LRRC74A: variants seen among roughly 807,000 people sequenced by gnomAD.
LRRC74A encodes the protein leucine rich repeat containing 74A, also known as leucine-rich repeat-containing protein 74A.
In LRRC74A, 44 loss-of-function variants were observed where a neutral mutation model predicts 57.9. That is an observed-to-expected ratio of 0.76 (90% confidence interval 0.60 to 0.98). The LOEUF (loss-of-function observed/expected upper bound fraction) is 0.98. Among genes scored for constraint, LRRC74A ranks in the 50% least tolerant of loss-of-function variants. LRRC74A has a pLI of 0.00. For synonymous variants in LRRC74A, 211 were observed against 219.4 expected (o/e 0.96, Z 0.34); for missense variants, 572 against 574.0 (o/e 1.00, Z 0.04).
intron 4 of LRRC74A, 75 bp downstream of exon 4, chr14:76,836,389 C>A: frequency 9.1e-7 from 1 of 1,104,204 alleles, no homozygotes; most frequent in South Asian, 1.5e-5. Flanking sequence ...AGCCAGAGGC[C>A]CTGCCAGGAC....
At chr14:76,826,997 A>C (rs76575618) in intron 1 of LRRC74A, among the ~76,000 whole-genome samples, 2,186 of 152,342 alleles carry the variant, frequency 0.014, 32 homozygotes, top group Non-Finnish European at 0.023. Context: ...TTATAGTTTG[A>C]AATCAGTCAC....
intron 5 of LRRC74A, among the ~76,000 whole-genome samples, chr14:76,839,492 T>C (rs1194509003): frequency 6.6e-6 from 1 of 152,242 alleles, no homozygotes; most frequent in Non-Finnish European, 1.5e-5. Flanking sequence ...TTATATTACC[T>C]CAGATGGTTA....
intron 9 of LRRC74A, 64 bp downstream of exon 9, chr14:76,853,474 T>TGTGTGTGTGTGTGTATG (rs1595381672): frequency 7.1e-7 from 1 of 1,402,160 alleles, no homozygotes; most frequent in South Asian, 1.3e-5. Flanking sequence ...TGTGTATGTG[T>TGTGTGTGTGTGTGTATG]TGGGATAAGT....
chr14:76,859,191 A>G (rs766997243), intron 10 of LRRC74A, among the ~76,000 whole-genome samples: 1 of 152,114 alleles, frequency 6.6e-6, no homozygotes, highest in Non-Finnish European at 1.5e-5. Flanking sequence ...CAGGCAGTAC[A>G]CGTTGGAAGG....
At chr14:76,830,724 G>A (rs1370238133) in intron 2 of LRRC74A, among the ~76,000 whole-genome samples, 2 of 152,228 alleles carry the variant, frequency 1.3e-5, no homozygotes. Flanking sequence ...GCCTCTCTAA[G>A]TCTTTGGTGA....
intron 3 of LRRC74A, among the ~76,000 whole-genome samples, chr14:76,834,978 A>AGG (rs1045880880): frequency 2.6e-5 from 4 of 152,038 alleles, no homozygotes; most frequent in African/African-American, 9.7e-5. Flanking sequence ...TTCAGGGGAG[A>AGG]GGGTGGCGGA....
rs761003719 is a variant in LRRC74A at position 76,844,890 on chromosome 14, GCC to G, written c.666_667del (p.Gln223AspfsTer17). 1 of 1,569,312 alleles carries G rather than the reference GCC, an allele frequency of 6.4e-7. No homozygotes were observed. The highest frequency in any genetic ancestry group is 1.1e-5 in the South Asian group (1 of 90,022). On this transcript the variant is annotated frameshift_variant, in exon 7 of 14. Coordinates refer to ENST00000689127, the MANE Select transcript of LRRC74A (RefSeq NM_001385106.1). LOFTEE classifies it high-confidence loss of function. ...TCTGATGTAGGAGGGGAGCACCTGG[GCC>G]AGATGCTGGGTGAGTCTCCCTGGAG...
At chr14:76,836,828 G>A (rs1396088542) in intron 4 of LRRC74A, among the ~76,000 whole-genome samples, 6 of 147,872 alleles carry the variant, frequency 4.1e-5, no homozygotes, top group Non-Finnish European at 7.4e-5. Context: ...CTTCTGTCTG[G>A]ACCTTAGAAG....
At chr14:76,865,879 TG>T in intron 11 of LRRC74A, 88 bp from the exon 12 acceptor site, 2 of 1,029,276 alleles carry the variant, frequency 1.9e-6, no homozygotes, top group Non-Finnish European at 2.9e-6. Context: ...CCTGGAAGCA[TG>T]GGCCGCTCTT....
intron 5 of LRRC74A, among the ~76,000 whole-genome samples, chr14:76,842,972 G>A (rs1219206009): frequency 6.6e-6 from 1 of 152,134 alleles, no homozygotes; most frequent in Non-Finnish European, 1.5e-5. Flanking sequence ...AGGTGAATAA[G>A]GTCTAGTCAT....
chr14:76,848,487 T>C (rs1770558534), intron 7 of LRRC74A, among the ~76,000 whole-genome samples: 1 of 151,556 alleles, frequency 6.6e-6, no homozygotes, highest in Non-Finnish European at 1.5e-5. Context: ...GAGAACTGCT[T>C]GAGCCCAGGA....
At chr14:76,835,121 A>G (rs967162505) in intron 3 of LRRC74A, among the ~76,000 whole-genome samples, 1 of 152,202 alleles carries the variant, frequency 6.6e-6, no homozygotes, top group Non-Finnish European at 1.5e-5. Flanking sequence ...AGGGAAGATC[A>G]AAGTTCTGAT....
At chr14:76,864,379 C>T (rs529555323) in intron 11 of LRRC74A, among the ~76,000 whole-genome samples, 6 of 109,750 alleles carry the variant, frequency 5.5e-5, no homozygotes, top group Admixed American at 1.3e-4. Context: ...TACAGTAGGA[C>T]GCTGTCTGGG....
At chr14:76,855,386 T>G (rs1485311334) in intron 9 of LRRC74A, among the ~76,000 whole-genome samples, 1 of 152,252 alleles carries the variant, frequency 6.6e-6, no homozygotes, top group Non-Finnish European at 1.5e-5. Context: ...AAAATGGCAA[T>G]AGAGGTCTTT....
intron 5 of LRRC74A, among the ~76,000 whole-genome samples, chr14:76,842,741 A>ATACAAAGC (rs11282651): frequency 0.66 from 100,579 of 151,496 alleles, 33,601 homozygotes; most frequent in East Asian, 0.89. Flanking sequence ...GGTGGTAGAG[A>ATACAAAGC]TTATTGAGGG....
intron 10 of LRRC74A, 32 bp downstream of exon 10, chr14:76,857,507 G>GCCCA: frequency 6.8e-7 from 1 of 1,470,272 alleles, no homozygotes; most frequent in Non-Finnish European, 9.3e-7. Context: ...GCTTGCGTCT[G>GCCCA]GGCACAAGCC....
chr14:76,860,263 G>A (rs1566741212), intron 10 of LRRC74A, among the ~76,000 whole-genome samples: 4 of 152,214 alleles, frequency 2.6e-5, no homozygotes, highest in Non-Finnish European at 5.9e-5. Context: ...TCCAGAAGGG[G>A]AAGTTTCCAT....
At chr14:76,837,829 C>T in intron 4 of LRRC74A, 46 bp from the exon 5 acceptor site, 1 of 1,194,976 alleles carries the variant, frequency 8.4e-7, no homozygotes, top group Non-Finnish European at 1.2e-6. Context: ...CATGAGGGCC[C>T]TTTGGTGAGC....
Position 76,852,779 on chromosome 14 carries a change from C to T in LRRC74A, c.762+329C>T, listed in dbSNP as rs139160952. On this transcript the variant is annotated intron_variant, in intron 8 of 13. Transcript: ENST00000689127. ...GACTACAGGTGCCCGCCACCATGCC[C>T]GGCTATTTTTTGTATTTTTAGTAGA... Among the ~76,000 whole-genome samples the T allele has an allele frequency of 4.9e-3, 751 of 152,000 alleles. 2 individuals are homozygous for T. Among genetic ancestry groups the T allele is most frequent in the Non-Finnish European group, 8.0e-3 (546 of 67,964 alleles).
Sources: allele counts gnomAD v4.1 joint callset (sites outside exome capture counted in the v4.1 genomes callset), GRCh38; gene constraint gnomAD v4.1.1; transcripts MANE v1.5; gene names NCBI Gene and HGNC (gene_info 2026-07-23, HGNC 2026-07-21).